The following ATXN7 variants were observed in gnomAD, a reference collection of about 807,000 sequenced individuals.
The protein encoded by ATXN7 is ataxin-7.
Under a neutral mutation model 70.5 loss-of-function variants are expected in ATXN7, and 12 were observed. The ratio of observed to expected loss-of-function variants is 0.17; its 90% CI spans 0.11 to 0.28. The LOEUF is 0.28. Ranked by LOEUF, ATXN7 falls within the 10% of genes least tolerant of loss-of-function variation. The pLI, the probability that ATXN7 is intolerant of heterozygous loss-of-function variation, is 1.00. For synonymous variants in ATXN7, 498 were observed against 448.7 expected (o/e 1.11, Z -1.39); for missense variants, 1,256 against 1,131.7 (o/e 1.11, Z -1.58).
chr3:63,920,809 A>T (rs1229645991), intron 4 of ATXN7, among the ~76,000 whole-genome samples: 2 of 152,214 alleles, frequency 1.3e-5, no homozygotes, highest in Non-Finnish European at 2.9e-5. Flanking sequence ...CATTAAAAAA[A>T]ATTCCTTTAG....
intron 4 of ATXN7, among the ~76,000 whole-genome samples, chr3:63,922,467 G>A (rs1704549201): frequency 6.6e-6 from 1 of 152,148 alleles, no homozygotes; most frequent in South Asian, 2.1e-4. Flanking sequence ...ACTTTTTCCT[G>A]CTTATGCAGA....
At chr3:63,957,409 A>G (rs1182244741) in intron 5 of ATXN7, among the ~76,000 whole-genome samples, 1 of 152,196 alleles carries the variant, frequency 6.6e-6, no homozygotes, top group East Asian at 1.9e-4. Flanking sequence ...CCCAACCTTA[A>G]TCAAGTGCTG....
At chr3:63,903,593 GTA>G (rs1703730377) in intron 2 of ATXN7, 1 of 152,156 alleles carries the variant, frequency 6.6e-6, no homozygotes, top group Non-Finnish European at 1.5e-5. Context: ...AAATGTGAAA[GTA>G]GCTAACACAC....
intron 1 of ATXN7, among the ~76,000 whole-genome samples, chr3:63,891,482 C>A (rs1288621272): frequency 6.6e-6 from 1 of 152,048 alleles, no homozygotes; most frequent in Non-Finnish European, 1.5e-5. Flanking sequence ...CCACACCTGG[C>A]TAATTATTTA....
intron 6 of ATXN7, among the ~76,000 whole-genome samples, chr3:63,981,567 G>A (rs578136621): frequency 3.3e-5 from 5 of 152,336 alleles, no homozygotes; most frequent in Admixed American, 1.3e-4. Flanking sequence ...AATGGCACAG[G>A]TATTCCCTAA....
Position 63,982,281 on chromosome 3 carries a change from G to A in ATXN7, c.848G>A (p.Ser283Asn). The A allele has an allele frequency of 1.9e-6, 3 of 1,614,158 alleles. No homozygotes were observed. The highest frequency in any genetic ancestry group is 2.2e-5 in the East Asian group (1 of 44,876). Residue 283 changes from serine (S) to asparagine (N), a missense_variant, in exon 7 of 13, where the codon AGT (serine) becomes AAT (asparagine). Physicochemically the swap from Ser to Asn is conservative, Grantham distance 46. Transcript: ENST00000674280. ...GGGCCAACCTGTCCTGCTACTGTGA[G>A]TTCCTTAGTCAAGCCTGGCCTTAAC... ...AVGPTCPATV[S>N]SLVKPGLNCP...
chr3:63,867,980 C>T (rs942012115), intron 1 of ATXN7, among the ~76,000 whole-genome samples: 1 of 152,236 alleles, frequency 6.6e-6, no homozygotes, highest in African/African-American at 2.4e-5. Context: ...AAAGCATTGC[C>T]TATCAGTTGA....
intron 5 of ATXN7, 102 bp from the exon 6 acceptor site, chr3:63,979,813 C>CGT: frequency 6.7e-7 from 1 of 1,501,740 alleles, no homozygotes; most frequent in Non-Finnish European, 9.0e-7. Context: ...CTTAACGACA[C>CGT]GTGTTTTAAC....
intron 5 of ATXN7, among the ~76,000 whole-genome samples, chr3:63,961,154 G>C (rs2075122800): frequency 6.6e-6 from 1 of 152,040 alleles, no homozygotes; most frequent in African/African-American, 2.4e-5. Context: ...CCTAGAACCT[G>C]GACAAAGTAA....
At chr3:63,935,507 T>C (rs2074644463) in intron 4 of ATXN7, among the ~76,000 whole-genome samples, 1 of 152,222 alleles carries the variant, frequency 6.6e-6, no homozygotes, top group African/African-American at 2.4e-5. Context: ...GAATGTGGTA[T>C]TTCTGTGAAT....
intron 5 of ATXN7, among the ~76,000 whole-genome samples, chr3:63,967,296 A>G (rs1233890714): frequency 6.6e-6 from 1 of 152,230 alleles, no homozygotes; most frequent in Non-Finnish European, 1.5e-5. Flanking sequence ...TGGATATGAA[A>G]TTATACATAT....
At chr3:63,871,213 G>T (rs1327336221) in intron 1 of ATXN7, among the ~76,000 whole-genome samples, 2 of 152,118 alleles carry the variant, frequency 1.3e-5, no homozygotes, top group African/African-American at 4.8e-5. Context: ...GGTATTGTAG[G>T]ATTTTTCCCC....
At chr3:63,998,822 G>A in intron 12 of ATXN7, 1 of 435,048 alleles carries the variant, frequency 2.3e-6, no homozygotes, top group Non-Finnish European at 3.1e-6. Context: ...TCTACTTGCT[G>A]TTCCTTGTGG....
Position 63,980,119 on chromosome 3 carries a change from C to T in ATXN7, c.704C>T (p.Thr235Ile). 2 of 1,614,132 alleles carry T rather than the reference C, an allele frequency of 1.2e-6. No individual in the cohort carries two copies. Among genetic ancestry groups the T allele is most frequent in the African/African-American group, 1.3e-5 (1 of 75,026 alleles). Residue 235 changes from threonine (T) to isoleucine (I), a missense_variant, in exon 6 of 13, where the codon ACC (threonine) becomes ATC (isoleucine). Physicochemically the swap from Thr to Ile is moderately conservative, Grantham distance 89. Coordinates refer to ENST00000674280, the MANE Select transcript of ATXN7 (RefSeq NM_001377405.1). ...GAGAAACTGCAGCTCAGGGGGAACACCAGGCCAATGCATCCCATTCAGCAA... is the reference window on the plus strand; with the variant it reads ...GAGAAACTGCAGCTCAGGGGGAACATCAGGCCAATGCATCCCATTCAGCAA... ...PKEKLQLRGN[T>I]RPMHPIQQSR... is the part of the protein sequence containing the mutation.
chr3:63,873,709 T>C (rs1440136255), intron 1 of ATXN7: 3 of 152,228 alleles, frequency 2.0e-5, no homozygotes, highest in African/African-American at 7.2e-5. Context: ...GGGTTTTGTT[T>C]TGTTTTGTGT....
chr3:63,931,976 A>G (rs1028888649), intron 4 of ATXN7, among the ~76,000 whole-genome samples: 1 of 152,210 alleles, frequency 6.6e-6, no homozygotes, highest in Non-Finnish European at 1.5e-5. Context: ...CTTCATGTAT[A>G]TGTGCAAAAT....
At chr3:63,866,317 C>G (rs1367763769) in intron 1 of ATXN7, among the ~76,000 whole-genome samples, 1 of 152,186 alleles carries the variant, frequency 6.6e-6, no homozygotes, top group African/African-American at 2.4e-5. Context: ...GCACGATCAT[C>G]AGGGCTCACT....
chr3:63,951,439 T>G (rs2074951534), intron 4 of ATXN7, among the ~76,000 whole-genome samples: 1 of 152,228 alleles, frequency 6.6e-6, no homozygotes, highest in Non-Finnish European at 1.5e-5. Flanking sequence ...ACTTGGTATT[T>G]GATCTACTAA....
chr3:63,929,990 C>T (rs971678225), intron 4 of ATXN7, among the ~76,000 whole-genome samples: 1 of 152,090 alleles, frequency 6.6e-6, no homozygotes, highest in East Asian at 1.9e-4. Context: ...AGAGGCTCCC[C>T]GATCCATCCA....
Sources: allele counts gnomAD v4.1 joint callset (sites outside exome capture counted in the v4.1 genomes callset), GRCh38; gene constraint gnomAD v4.1.1; transcripts MANE v1.5; gene names NCBI Gene and HGNC (gene_info 2026-07-23, HGNC 2026-07-21).